Variants in SORCS2 observed in about 807,000 individuals in gnomAD.
SORCS2 encodes sortilin related VPS10 domain containing receptor 2, also known as VPS10 domain-containing receptor SorCS2.
SORCS2 carries 100 observed loss-of-function variants against 141.6 expected under a neutral mutation model. That is an observed-to-expected ratio of 0.71 (90% CI 0.60 to 0.83). The LOEUF (loss-of-function observed/expected upper bound fraction) is 0.83, where lower values mean the gene tolerates loss of function less well. SORCS2 is among the 40% of genes least tolerant of loss of function. SORCS2 has a pLI of 0.00. For synonymous variants in SORCS2, 789 were observed against 676.9 expected (o/e 1.17, Z -2.57); for missense variants, 1,646 against 1,560.2 (o/e 1.05, Z -0.93).
Position 7,528,230 on chromosome 4 carries a change from G to A in SORCS2, c.549-3300G>A, listed in dbSNP as rs913474862. ...GGGGTGAATTTGAATTCCTAGGCCC[G>A]TAGTATGGGCCTTAAAGCATAAAAA... On this transcript the variant is annotated intron_variant, in intron 2 of 26. Coordinates refer to ENST00000507866, the MANE Select transcript of SORCS2 (RefSeq NM_020777.3). Among the ~76,000 whole-genome samples the A allele has an allele frequency of 3.3e-5, 5 of 152,252 alleles. No homozygotes were observed. The East Asian group carries it at 7.7e-4, about 24-fold the overall frequency.
chr4:7,382,027 G>C (rs1276119289), intron 1 of SORCS2: 2 of 976,118 alleles, frequency 2.0e-6, no homozygotes, highest in Non-Finnish European at 2.4e-6. Context: ...AAGGAAGGGA[G>C]TCGGGTCAAA....
intron 3 of SORCS2, among the ~76,000 whole-genome samples, chr4:7,536,844 G>C (rs1250995807): frequency 5.5e-5 from 3 of 55,006 alleles, no homozygotes; most frequent in Admixed American, 3.6e-4. Flanking sequence ...GGGGGGGGGG[G>C]CGGGCAGGGC....
At chr4:7,735,030 G>A (rs1262511262) in intron 25 of SORCS2, among the ~76,000 whole-genome samples, 1 of 152,240 alleles carries the variant, frequency 6.6e-6, no homozygotes, top group African/African-American at 2.4e-5. Context: ...CCCCGACGCT[G>A]GGACGCGTCA....
chr4:7,311,764 C>T (rs907966337), intron 1 of SORCS2, among the ~76,000 whole-genome samples: 1 of 152,094 alleles, frequency 6.6e-6, no homozygotes, highest in Non-Finnish European at 1.5e-5. Flanking sequence ...TATAGTGTTT[C>T]GAGAATTTTG....
rs554063429 is a variant in SORCS2 at position 7,705,873 on chromosome 4, C to G, written c.1868+1589C>G. Reference sequence around the variant, plus strand: ...TATCTCCCTCCATGTGCCCCACCCTCCCCAGCAGGCGCACAGCTCCCAGGA... The same window carrying G: ...TATCTCCCTCCATGTGCCCCACCCTGCCCAGCAGGCGCACAGCTCCCAGGA... On this transcript the variant is annotated intron_variant, in intron 14 of 26. Transcript: ENST00000507866. Among the ~76,000 whole-genome samples, 32 of 152,380 alleles carry G rather than the reference C, an allele frequency of 2.1e-4. 1 individual carries two copies. In the South Asian group the frequency reaches 2.5e-3, roughly 12 times the overall value.
At chr4:7,600,210 C>G (rs1307555412) in intron 3 of SORCS2, among the ~76,000 whole-genome samples, 8 of 152,162 alleles carry the variant, frequency 5.3e-5, no homozygotes, top group Admixed American at 5.2e-4. Context: ...AAAGGTGGAA[C>G]CAGCTGCTGT....
intron 2 of SORCS2, among the ~76,000 whole-genome samples, chr4:7,442,895 C>T (rs878887519): frequency 3.9e-5 from 6 of 152,006 alleles, no homozygotes; most frequent in Admixed American, 2.0e-4. Flanking sequence ...AGAGTGTTGG[C>T]GGGGCCGTGC....
intron 14 of SORCS2, 69 bp downstream of exon 14, chr4:7,704,353 CT>C (rs1725280426): frequency 7.3e-7 from 1 of 1,361,608 alleles, no homozygotes; most frequent in South Asian, 1.4e-5. Context: ...CCTGGGCCTA[CT>C]GTGTCCTTCA....
rs1716692828 is a variant in SORCS2 at position 7,588,535 on chromosome 4, T to G, written c.649-49793T>G. On this transcript the variant is annotated intron_variant, in intron 3 of 26. Transcript: ENST00000507866. ...CAGTTTTGAATCTGCTGAATGGCACTTGGAGGATCAAGTTCCCTCTGAGGT... is the reference window on the plus strand; with the variant it reads ...CAGTTTTGAATCTGCTGAATGGCACGTGGAGGATCAAGTTCCCTCTGAGGT... Among the ~76,000 whole-genome samples, 3 of 152,180 alleles carry G rather than the reference T, an allele frequency of 2.0e-5. No homozygotes were observed. In the South Asian group the frequency reaches 6.2e-4, roughly 32 times the overall value.
chr4:7,249,452 C>T lies in SORCS2; in HGVS notation c.480+56326C>T, dbSNP rs142049167. ...GTCCCTTCAGCTGTCTTCTGTGGGC[C>T]GAGAAGTTGCAGAGCAAGCCCAGGT... On this transcript the variant is annotated intron_variant, in intron 1 of 26. Coordinates refer to ENST00000507866, the MANE Select transcript of SORCS2 (RefSeq NM_020777.3). Among the ~76,000 whole-genome samples, 306 of 152,238 alleles carry T rather than the reference C, an allele frequency of 2.0e-3. 1 individual carries two copies. Among genetic ancestry groups the T allele is most frequent in the African/African-American group, 6.9e-3 (288 of 41,542 alleles).
intron 2 of SORCS2, among the ~76,000 whole-genome samples, chr4:7,417,436 A>G (rs1725770549): frequency 6.6e-6 from 1 of 152,158 alleles, no homozygotes; most frequent in African/African-American, 2.4e-5. Flanking sequence ...TTATTATGCT[A>G]CGGATGGTAG....
intron 2 of SORCS2, among the ~76,000 whole-genome samples, chr4:7,403,094 G>A (rs935687202): frequency 6.6e-6 from 1 of 152,002 alleles, no homozygotes; most frequent in Non-Finnish European, 1.5e-5. Context: ...TTCATGTCTC[G>A]AAGTGCAATT....
intron 2 of SORCS2, among the ~76,000 whole-genome samples, chr4:7,507,081 C>T (rs183127930): frequency 3.2e-4 from 48 of 152,150 alleles, no homozygotes; most frequent in Non-Finnish European, 5.9e-4. Flanking sequence ...CATTTATTGG[C>T]TTCATCCAGA....
intron 2 of SORCS2, among the ~76,000 whole-genome samples, chr4:7,436,470 C>T (rs1727306728): frequency 6.6e-6 from 1 of 152,172 alleles, no homozygotes; most frequent in Admixed American, 6.5e-5. Context: ...CTCTTGAGAC[C>T]CCACCCCCAC....
In SORCS2 at chr4:7,452,859, T is replaced by C. The variant is rs371171758; in HGVS notation, c.548+56504T>C. ...CAGGTGCTGTGTTGGGGTCAGGTGC[T>C]GTGTTGGGGTCAGGTGCCGTGTTGG... On this transcript the variant is annotated intron_variant, in intron 2 of 26. Coordinates refer to ENST00000507866, the MANE Select transcript of SORCS2 (RefSeq NM_020777.3). 9.5e-3 allele frequency among the ~76,000 whole-genome samples: 1,305 copies of C among 137,546 alleles called. 2 individuals carry two copies. The highest frequency in any genetic ancestry group is 0.02 in the Middle Eastern group (5 of 244). 90.2% of individuals were successfully genotyped at this position (137,546 alleles called of 152,430 possible).
intron 3 of SORCS2, among the ~76,000 whole-genome samples, chr4:7,547,354 C>A (rs1311622580): frequency 6.6e-6 from 1 of 152,238 alleles, no homozygotes; most frequent in Non-Finnish European, 1.5e-5. Flanking sequence ...TTCCAGAGCC[C>A]AGCTCTGCCT....
chr4:7,494,916 G>A (rs1033825628), intron 2 of SORCS2, among the ~76,000 whole-genome samples: 2 of 152,220 alleles, frequency 1.3e-5, no homozygotes, highest in Non-Finnish European at 2.9e-5. Context: ...GGAAGGTGCT[G>A]GTGCCCACAG....
intron 3 of SORCS2, among the ~76,000 whole-genome samples, chr4:7,542,058 G>C (rs1712717842): frequency 6.6e-6 from 1 of 152,194 alleles, no homozygotes; most frequent in African/African-American, 2.4e-5. Flanking sequence ...GCCCAGCAGA[G>C]CTCCAAGACC....
At chr4:7,277,511 A>C (rs1715581063) in intron 1 of SORCS2, among the ~76,000 whole-genome samples, 1 of 152,224 alleles carries the variant, frequency 6.6e-6, no homozygotes, top group African/African-American at 2.4e-5. Flanking sequence ...AGGGTCAGCA[A>C]GGTCCTTTGG....
Sources: allele counts gnomAD v4.1 joint callset (sites outside exome capture counted in the v4.1 genomes callset), GRCh38; gene constraint gnomAD v4.1.1; transcripts MANE v1.5; gene names NCBI Gene and HGNC (gene_info 2026-07-23, HGNC 2026-07-21).